NRXN3: variants seen among roughly 807,000 people sequenced by gnomAD.
NRXN3 encodes neurexin 3, also known as neurexin III.
In NRXN3, 32 loss-of-function variants were observed where a neutral mutation model predicts 137.6. The ratio of observed to expected loss-of-function variants is 0.23; its 90% confidence interval spans 0.18 to 0.31. NRXN3 has a LOEUF of 0.31. Ranked by LOEUF, NRXN3 falls within the 10% of genes least tolerant of loss-of-function variation. NRXN3 has a pLI of 1.00. For missense variants in NRXN3, 1,574 were observed against 2,062.5 expected (o/e 0.76, Z 4.59); for synonymous variants, 798 against 784.5 (o/e 1.02, Z -0.29).
intron 20 of NRXN3, among the ~76,000 whole-genome samples, chr14:79,837,252 A>C (rs1214530452): frequency 6.6e-6 from 1 of 151,812 alleles, no homozygotes; most frequent in African/African-American, 2.4e-5. Flanking sequence ...ATTTTGGAAC[A>C]GTTTTGATTC....
At chr14:79,726,209 A>T (rs962269526) in intron 19 of NRXN3, among the ~76,000 whole-genome samples, 1 of 152,178 alleles carries the variant, frequency 6.6e-6, no homozygotes, top group Non-Finnish European at 1.5e-5. Context: ...CAGTCATGTG[A>T]CTTAGAGAAT....
intron 16 of NRXN3, among the ~76,000 whole-genome samples, chr14:79,658,203 T>C (rs916094905): frequency 6.6e-6 from 1 of 152,190 alleles, no homozygotes; most frequent in Non-Finnish European, 1.5e-5. Flanking sequence ...CATAAGTCTC[T>C]TATTGTGTGA....
intron 15 of NRXN3, among the ~76,000 whole-genome samples, chr14:79,065,721 A>G (rs2099679950): frequency 6.6e-6 from 1 of 152,058 alleles, no homozygotes; most frequent in South Asian, 2.1e-4. Context: ...CTTTATAGAC[A>G]AGTCACCCCA....
At position 79,388,117 on chromosome 14, in the gene NRXN3, G is replaced by C. The variant is rs1302570040; in HGVS notation, c.3263-79104G>C. Among the ~76,000 whole-genome samples the C allele has an allele frequency of 1.6e-4, 23 of 148,330 alleles. No individual in the cohort carries two copies. In the Admixed American group the frequency reaches 1.6e-3, roughly 10 times the overall value. ...TAAAGTATAATAAAAAAAAAAGTAGGATATTTTTTAAAAAGTGTGTGGCGT... is the reference window on the plus strand; with the variant it reads ...TAAAGTATAATAAAAAAAAAAGTAGCATATTTTTTAAAAAGTGTGTGGCGT... On this transcript the variant is annotated intron_variant, in intron 15 of 20. Coordinates refer to ENST00000335750, the MANE Select transcript of NRXN3 (RefSeq NM_001330195.2).
chr14:78,335,965 A>G (rs2081414692), intron 4 of NRXN3, among the ~76,000 whole-genome samples: 1 of 152,260 alleles, frequency 6.6e-6, no homozygotes, highest in East Asian at 1.9e-4. Context: ...TTTCCATTTT[A>G]AAAAGGAACT....
At chr14:78,533,825 C>T (rs2096500846) in intron 4 of NRXN3, among the ~76,000 whole-genome samples, 1 of 152,212 alleles carries the variant, frequency 6.6e-6, no homozygotes, top group Non-Finnish European at 1.5e-5. Flanking sequence ...ATGCATATGG[C>T]CACTATGGCC....
intron 19 of NRXN3, among the ~76,000 whole-genome samples, chr14:79,772,606 C>T (rs2099082414): frequency 6.6e-6 from 1 of 152,164 alleles, no homozygotes; most frequent in South Asian, 2.1e-4. Context: ...CCCTTCCTTA[C>T]ACCTTATACA....
intron 14 of NRXN3, among the ~76,000 whole-genome samples, chr14:78,978,113 C>A (rs1363693394): frequency 6.6e-6 from 1 of 152,102 alleles, no homozygotes; most frequent in Non-Finnish European, 1.5e-5. Context: ...AGATTTTATT[C>A]TTTGTCTTTT....
intron 16 of NRXN3, among the ~76,000 whole-genome samples, chr14:79,655,388 T>C (rs1386872640): frequency 2.0e-5 from 3 of 152,228 alleles, no homozygotes; most frequent in African/African-American, 4.8e-5. Flanking sequence ...TACATACTTA[T>C]TGCTCTCCTT....
chr14:78,524,400 A>G (rs145147875), intron 4 of NRXN3, among the ~76,000 whole-genome samples: 308 of 152,378 alleles, frequency 2.0e-3, no homozygotes, highest in Middle Eastern at 0.01. Context: ...TCACTGAACC[A>G]GAGCCAAGGT....
chr14:79,763,077 G>A (rs978637208), intron 19 of NRXN3, among the ~76,000 whole-genome samples: 41 of 149,716 alleles, frequency 2.7e-4, no homozygotes, highest in African/African-American at 6.5e-4. Context: ...GTGTCCATGC[G>A]TTCTCATTGT....
At chr14:78,357,879 A>G (rs986035685) in intron 4 of NRXN3, among the ~76,000 whole-genome samples, 1 of 152,224 alleles carries the variant, frequency 6.6e-6, no homozygotes, top group Admixed American at 6.5e-5. Flanking sequence ...AATAATAGCA[A>G]TAGCTAACTT....
chr14:79,452,729 A>G (rs1268662944), intron 15 of NRXN3, among the ~76,000 whole-genome samples: 2 of 152,234 alleles, frequency 1.3e-5, no homozygotes, highest in African/African-American at 2.4e-5. Flanking sequence ...TGGAAAGTGT[A>G]TTTGAAATAT....
chr14:79,682,653 G>A (rs1295599966), intron 17 of NRXN3, among the ~76,000 whole-genome samples: 3 of 152,048 alleles, frequency 2.0e-5, no homozygotes, highest in Non-Finnish European at 4.4e-5. Context: ...CTTGTTGCTA[G>A]GAGTTCTTTT....
chr14:78,806,657 T>C (rs1217652234), intron 9 of NRXN3, among the ~76,000 whole-genome samples: 1 of 152,202 alleles, frequency 6.6e-6, no homozygotes, highest in Non-Finnish European at 1.5e-5. Flanking sequence ...TTCCAATGGC[T>C]TTATCTTCTG....
chr14:78,486,406 A>C (rs2095559773), intron 4 of NRXN3, among the ~76,000 whole-genome samples: 1 of 152,212 alleles, frequency 6.6e-6, no homozygotes, highest in Non-Finnish European at 1.5e-5. Context: ...CTTATAGTCC[A>C]GGTATGTGTG....
intron 4 of NRXN3, among the ~76,000 whole-genome samples, chr14:78,519,727 T>A (rs911000368): frequency 8.2e-6 from 1 of 122,320 alleles, no homozygotes; most frequent in African/African-American, 3.0e-5. Context: ...CAGAGAAGGT[T>A]ATATTTGTTG....
chr14:78,355,855 A>T (rs770547744), intron 4 of NRXN3, among the ~76,000 whole-genome samples: 1 of 152,234 alleles, frequency 6.6e-6, no homozygotes, highest in Non-Finnish European at 1.5e-5. Context: ...TCAGAGAATC[A>T]TATAACCGTA....
intron 4 of NRXN3, among the ~76,000 whole-genome samples, chr14:78,492,690 T>C (rs2095692028): frequency 6.6e-6 from 1 of 152,090 alleles, no homozygotes; most frequent in South Asian, 2.1e-4. Flanking sequence ...ATATAAACAC[T>C]TGTAGGGGCT....
Sources: gnomAD v4.1 joint callset for allele counts (sites outside exome capture counted in the v4.1 genomes callset) on GRCh38, gnomAD v4.1.1 for gene constraint, MANE v1.5 for transcripts, NCBI Gene and HGNC (gene_info 2026-07-23, HGNC 2026-07-21) for gene names.